Variants in LGSN observed in about 807,000 individuals in gnomAD.
The protein encoded by LGSN is lengsin.
Under a neutral mutation model 19.5 loss-of-function variants are expected in LGSN, and 21 were observed. That is an observed-to-expected ratio of 1.07 (90% confidence interval 0.76 to 1.55). The LOEUF is 1.55. LGSN is among the 40% of genes most tolerant of loss of function. LGSN has a pLI of 0.00. For missense variants in LGSN, 673 were observed against 608.5 expected (o/e 1.11, Z -1.12); for synonymous variants, 257 against 215.6 (o/e 1.19, Z -1.68).
chr6:63,323,122 A>C (rs1769125937), upstream of LGSN, among the ~76,000 whole-genome samples: 1 of 150,658 alleles, frequency 6.6e-6, no homozygotes, highest in Non-Finnish European at 1.5e-5. Flanking sequence ...GTCAGTTGTG[A>C]AAGTGGAAGC....
chr6:63,510,143 A>C, the LGSN span, among the ~76,000 whole-genome samples: 1 of 152,226 alleles, frequency 6.6e-6, no homozygotes, highest in Non-Finnish European at 1.5e-5. Context: ...GCCTGTATTC[A>C]TTCATTTAAC....
chr6:63,486,201 C>A, the LGSN span, among the ~76,000 whole-genome samples: 3 of 152,262 alleles, frequency 2.0e-5, no homozygotes, highest in African/African-American at 7.2e-5. Flanking sequence ...TACACATTAA[C>A]CTAAATATCA....
At chr6:63,337,569 A>C in the LGSN span, among the ~76,000 whole-genome samples, 1 of 151,998 alleles carries the variant, frequency 6.6e-6, no homozygotes, top group African/African-American at 2.4e-5. Flanking sequence ...TAGGAGGCCA[A>C]GGCAGGTAGA....
Position 63,279,690 on chromosome 6 carries a change from C to CT in LGSN, c.*330dup, listed in dbSNP as rs1056700767. On this transcript the variant is annotated 3_prime_UTR_variant, in exon 4 of 4. Transcript: ENST00000370657. ...AAATTTTGCTTTCTAATGCTTAAGT[C>CT]TTTTTTTTCTTAATGTGCGAATATA... The CT allele has an allele frequency of 7.3e-5, 12 of 164,716 alleles. No individual in the cohort carries two copies. The highest frequency in any genetic ancestry group is 1.7e-4 in the East Asian group (1 of 5,860). The allele number at this position is 164,716 out of a possible 1,614,324, so 10.2% of individuals were successfully genotyped here.
At chr6:63,321,938 G>A (rs79577235), upstream of LGSN, among the ~76,000 whole-genome samples, 8 of 152,238 alleles carry the variant, frequency 5.3e-5, no homozygotes, top group Middle Eastern at 3.4e-3. Flanking sequence ...TGGAAAGACC[G>A]TTCAACTCAA....
intron 1 of LGSN, among the ~76,000 whole-genome samples, chr6:63,300,621 A>T (rs1379158381): frequency 6.6e-6 from 1 of 152,168 alleles, no homozygotes; most frequent in Non-Finnish European, 1.5e-5. Flanking sequence ...AGCCAAGATC[A>T]TGCCACTGTA....
chr6:63,565,442 G>T, the LGSN span, among the ~76,000 whole-genome samples: 2 of 151,654 alleles, frequency 1.3e-5, no homozygotes, highest in Non-Finnish European at 2.9e-5. Flanking sequence ...TCTTAAAATA[G>T]ACTTTAAAAA....
the LGSN span, among the ~76,000 whole-genome samples, chr6:63,429,735 C>CAA: frequency 0.013 from 1,644 of 124,558 alleles, 32 homozygotes; most frequent in African/African-American, 0.047. Flanking sequence ...GACTCCATCT[C>CAA]AAAAAAAAAA....
the LGSN span, chr6:63,441,356 C>T: frequency 6.7e-5 from 32 of 474,310 alleles, no homozygotes; most frequent in African/African-American, 5.8e-4. Flanking sequence ...TCCTCAACAA[C>T]AGGCTGGTCA....
chr6:63,420,344 G>A, the LGSN span, among the ~76,000 whole-genome samples: 1 of 152,196 alleles, frequency 6.6e-6, no homozygotes, highest in South Asian at 2.1e-4. Flanking sequence ...GATCCAGCTG[G>A]CCCTCAACTG....
the LGSN span, among the ~76,000 whole-genome samples, chr6:63,344,050 C>G: frequency 2.6e-5 from 4 of 152,170 alleles, no homozygotes; most frequent in African/African-American, 7.2e-5. Context: ...GAAATACATT[C>G]TTCCCCATAA....
At chr6:63,560,796 A>G in the LGSN span, among the ~76,000 whole-genome samples, 38 of 152,308 alleles carry the variant, frequency 2.5e-4, no homozygotes, top group Non-Finnish European at 2.1e-4. Flanking sequence ...CTCAGTTTCT[A>G]TGCTTATCTC....
chr6:63,568,670 AC>A, the LGSN span, among the ~76,000 whole-genome samples: 7 of 151,894 alleles, frequency 4.6e-5, no homozygotes, highest in East Asian at 1.9e-4. Flanking sequence ...AAAAAAAAAA[AC>A]AATATTTGCA....
chr6:63,532,028 T>C, the LGSN span, among the ~76,000 whole-genome samples: 1 of 152,088 alleles, frequency 6.6e-6, no homozygotes, highest in African/African-American at 2.4e-5. Context: ...CTTGAACTCT[T>C]GACCTTGTGA....
the LGSN span, among the ~76,000 whole-genome samples, chr6:63,469,148 G>A: frequency 6.6e-6 from 1 of 152,078 alleles, no homozygotes; most frequent in South Asian, 2.1e-4. Flanking sequence ...TGTTTGCTTT[G>A]CCCCAATAGT....
At chr6:63,370,392 G>A in the LGSN span, among the ~76,000 whole-genome samples, 7 of 152,260 alleles carry the variant, frequency 4.6e-5, no homozygotes, top group African/African-American at 1.7e-4. Flanking sequence ...TACTCAGAAG[G>A]ACTTATAAGC....
chr6:63,347,630 TCTA>T, the LGSN span, among the ~76,000 whole-genome samples: 4 of 152,334 alleles, frequency 2.6e-5, no homozygotes, highest in South Asian at 8.3e-4. Flanking sequence ...TAGAGAGGTC[TCTA>T]AGATAAGGAA....
chr6:63,314,350 T>A (rs1054036524), intron 1 of LGSN, among the ~76,000 whole-genome samples: 1 of 152,180 alleles, frequency 6.6e-6, no homozygotes, highest in Non-Finnish European at 1.5e-5. Context: ...CACTACATGC[T>A]AGATCTGCCA....
the LGSN span, among the ~76,000 whole-genome samples, chr6:63,523,257 G>T: frequency 6.6e-6 from 1 of 151,892 alleles, no homozygotes; most frequent in Non-Finnish European, 1.5e-5. Flanking sequence ...TCACTATTAT[G>T]TACTTTCTCA....
Sources: gnomAD v4.1 joint callset for allele counts (sites outside exome capture counted in the v4.1 genomes callset) on GRCh38, gnomAD v4.1.1 for gene constraint, MANE v1.5 for transcripts, NCBI Gene and HGNC (gene_info 2026-07-23, HGNC 2026-07-21) for gene names.